Variants in RYR3 observed in about 807,000 individuals in gnomAD.
The protein encoded by RYR3 is ryanodine receptor 3.
RYR3 carries 207 observed loss-of-function variants against 584.3 expected under a neutral mutation model. The ratio of observed to expected loss-of-function variants is 0.35; its 90% CI spans 0.32 to 0.40. RYR3 has a LOEUF of 0.40. Ranked by LOEUF, RYR3 falls within the 10% of genes least tolerant of loss-of-function variation. The probability of loss-of-function intolerance (pLI) is 1.00; values close to 1 mark genes in which losing one functional copy is unlikely to be tolerated. For synonymous variants in RYR3, 2,416 were observed against 2,248.5 expected (o/e 1.07, Z -2.11); for missense variants, 5,616 against 6,089.2 (o/e 0.92, Z 2.59).
chr15:33,510,536 A>C (rs2052886771), intron 3 of RYR3, among the ~76,000 whole-genome samples: 1 of 152,068 alleles, frequency 6.6e-6, no homozygotes, highest in Non-Finnish European at 1.5e-5. Flanking sequence ...GGAGAATTTT[A>C]CAAAATCCAT....
chr15:33,639,012 T>C (rs2061653401), intron 27 of RYR3, among the ~76,000 whole-genome samples: 1 of 152,160 alleles, frequency 6.6e-6, no homozygotes, highest in Non-Finnish European at 1.5e-5. Context: ...AGACTCAGCC[T>C]TTTCGTTCAA....
At chr15:33,365,920 CTTAA>C (rs1975433402) in intron 1 of RYR3, among the ~76,000 whole-genome samples, 1 of 150,650 alleles carries the variant, frequency 6.6e-6, no homozygotes, top group African/African-American at 2.4e-5. Flanking sequence ...GTTTATTTTT[CTTAA>C]TTTATTAGCT....
intron 16 of RYR3, among the ~76,000 whole-genome samples, chr15:33,590,939 A>G (rs531885564): frequency 1.3e-5 from 2 of 152,262 alleles, no homozygotes; most frequent in South Asian, 4.1e-4. Context: ...TGTCCCTTTC[A>G]TGGAAATAAC....
intron 71 of RYR3, 129 bp downstream of exon 71, chr15:33,810,778 G>A: frequency 7.6e-6 from 9 of 1,183,698 alleles, no homozygotes; most frequent in Non-Finnish European, 9.6e-6. Flanking sequence ...AGTGTGTATG[G>A]AGGCAACACG....
At position 33,660,180 on chromosome 15, in the gene RYR3, T is replaced by C; in HGVS notation, c.4396-17T>C. The C allele has an allele frequency of 6.5e-7, 1 of 1,533,292 alleles. No individual in the cohort carries two copies. The highest frequency in any genetic ancestry group is 8.8e-7 in the Non-Finnish European group (1 of 1,130,786). 95.0% of individuals were successfully genotyped at this position (1,533,292 alleles called of 1,614,324 possible). The stretch of plus-strand genomic sequence containing the variant: ...AACTGTGTGTTTCTTTTCCAATGCC[T>C]TTCCCACGTGCCCCAGAACGCAATG... On this transcript the variant is annotated splice_polypyrimidine_tract_variant and intron_variant, in intron 33 of 103. Transcript: ENST00000634891.
intron 86 of RYR3, among the ~76,000 whole-genome samples, chr15:33,831,761 C>G (rs1040039928): frequency 2.0e-4 from 31 of 151,992 alleles, no homozygotes; most frequent in Non-Finnish European, 4.4e-5. Context: ...AATTAGTAGG[C>G]GTATCATTAC....
At chr15:33,832,253 C>T (rs2077726976) in intron 86 of RYR3, among the ~76,000 whole-genome samples, 1 of 99,440 alleles carries the variant, frequency 1.0e-5, no homozygotes, top group South Asian at 2.8e-4. Context: ...GAGATCGCGC[C>T]GCCGCACTCC....
intron 3 of RYR3, among the ~76,000 whole-genome samples, chr15:33,508,969 C>T (rs569325542): frequency 3.9e-5 from 6 of 152,118 alleles, no homozygotes; most frequent in Non-Finnish European, 8.8e-5. Flanking sequence ...ACCTTGTAAA[C>T]GGCCAGTGAA....
At chr15:33,468,591 T>C (rs978853071) in intron 1 of RYR3, among the ~76,000 whole-genome samples, 25 of 152,254 alleles carry the variant, frequency 1.6e-4, no homozygotes, top group African/African-American at 6.0e-4. Context: ...TCCAAGTCCA[T>C]ATCCCAGTTA....
intron 16 of RYR3, among the ~76,000 whole-genome samples, chr15:33,598,283 A>C (rs1288019827): frequency 1.3e-5 from 2 of 150,528 alleles, no homozygotes; most frequent in Non-Finnish European, 3.0e-5. Flanking sequence ...TAGGAGAGAA[A>C]AACAAACAAA....
chr15:33,603,602 G>A (rs920228627), intron 18 of RYR3, among the ~76,000 whole-genome samples: 2 of 152,190 alleles, frequency 1.3e-5, no homozygotes, highest in Admixed American at 6.5e-5. Flanking sequence ...CATTGTATCT[G>A]TATGAGCCTT....
intron 49 of RYR3, among the ~76,000 whole-genome samples, chr15:33,737,813 A>C (rs1425395105): frequency 6.6e-6 from 1 of 152,096 alleles, no homozygotes; most frequent in Non-Finnish European, 1.5e-5. Flanking sequence ...TTACCTCTCA[A>C]ATCTGTGGGA....
At chr15:33,716,961 C>G (rs2067540642) in intron 43 of RYR3, among the ~76,000 whole-genome samples, 1 of 152,124 alleles carries the variant, frequency 6.6e-6, no homozygotes, top group Non-Finnish European at 1.5e-5. Context: ...TTTTCATCAT[C>G]TTATTGAGAA....
intron 42 of RYR3, among the ~76,000 whole-genome samples, chr15:33,706,648 G>A (rs528217939): frequency 2.6e-5 from 4 of 152,272 alleles, no homozygotes; most frequent in East Asian, 1.9e-4. Flanking sequence ...CAGTGGCCAC[G>A]TGGGTTGCTT....
chr15:33,863,369 G>A (rs938559300), intron 102 of RYR3, among the ~76,000 whole-genome samples: 8 of 152,124 alleles, frequency 5.3e-5, no homozygotes, highest in African/African-American at 1.4e-4. Flanking sequence ...AGGACCTGAC[G>A]CTCTATACAC....
chr15:33,587,072 C>T (rs76352086), intron 16 of RYR3, among the ~76,000 whole-genome samples: 25 of 152,162 alleles, frequency 1.6e-4, no homozygotes, highest in African/African-American at 5.5e-4. Flanking sequence ...GATTGAGACT[C>T]GGCAGCATAG....
Position 33,864,305 on chromosome 15 carries a change from T to C in RYR3, c.14517+116T>C, listed in dbSNP as rs28520400. 1,384 of 770,706 alleles carry C rather than the reference T, an allele frequency of 1.8e-3. 13 individuals carry two copies. The African/African-American group carries it at 0.022, about 12-fold the overall frequency. 47.7% of individuals were successfully genotyped at this position (770,706 alleles called of 1,614,324 possible). On this transcript the variant is annotated intron_variant, in intron 103 of 103. Transcript: ENST00000634891. ...TGGCCCCATTAATCCCGTGAATGCA[T>C]TTTCCCATCACCTTTTTGTGACTCA...
At chr15:33,452,999 C>G (rs1175336872) in intron 1 of RYR3, among the ~76,000 whole-genome samples, 2 of 152,196 alleles carry the variant, frequency 1.3e-5, no homozygotes, top group African/African-American at 4.8e-5. Flanking sequence ...CCAGAAGCCT[C>G]CTGGCTCCAA....
At chr15:33,495,797 TTA>T (rs1438899623) in intron 2 of RYR3, among the ~76,000 whole-genome samples, 1 of 152,206 alleles carries the variant, frequency 6.6e-6, no homozygotes, top group African/African-American at 2.4e-5. Context: ...TAAAAAGCAT[TTA>T]ACTGCACAAA....
Sources: allele counts gnomAD v4.1 joint callset (sites outside exome capture counted in the v4.1 genomes callset), GRCh38; gene constraint gnomAD v4.1.1; transcripts MANE v1.5; gene names NCBI Gene and HGNC (gene_info 2026-07-23, HGNC 2026-07-21).